The following TMTC2 variants were observed in gnomAD, a reference collection of about 807,000 sequenced individuals.
The protein encoded by TMTC2 is transmembrane O-mannosyltransferase targeting cadherins 2.
TMTC2 carries 43 observed loss-of-function variants against 82.4 expected under a neutral mutation model. The ratio of observed to expected loss-of-function variants is 0.52; its 90% CI spans 0.41 to 0.67. The LOEUF is 0.67. TMTC2 is among the 30% of genes least tolerant of loss of function. The pLI is 0.00. For synonymous variants in TMTC2, 408 were observed against 381.9 expected (o/e 1.07, Z -0.80); for missense variants, 919 against 1,012.4 (o/e 0.91, Z 1.25).
intron 1 of TMTC2, among the ~76,000 whole-genome samples, chr12:82,814,495 ATGT>A (rs919381239): frequency 6.6e-6 from 1 of 152,300 alleles, no homozygotes; most frequent in Admixed American, 6.5e-5. Flanking sequence ...AAATGAATGT[ATGT>A]TGTTAGTTTT....
chr12:82,871,344 GTAT>G (rs1872165064), intron 2 of TMTC2, among the ~76,000 whole-genome samples: 1 of 149,754 alleles, frequency 6.7e-6, no homozygotes, highest in African/African-American at 2.5e-5. Flanking sequence ...GATCCAAGTA[GTAT>G]TACAAAAGAA....
intron 1 of TMTC2, among the ~76,000 whole-genome samples, chr12:82,764,082 C>T (rs1876803791): frequency 6.6e-6 from 1 of 152,130 alleles, no homozygotes; most frequent in Non-Finnish European, 1.5e-5. Context: ...TAATTCTTTA[C>T]ATCAATATGG....
intron 2 of TMTC2, among the ~76,000 whole-genome samples, chr12:82,872,740 G>C (rs1872266699): frequency 6.6e-6 from 1 of 152,130 alleles, no homozygotes; most frequent in African/African-American, 2.4e-5. Flanking sequence ...TGTGTGGGTT[G>C]TAAAGATCAT....
chr12:82,872,269 T>G (rs1872239047), intron 2 of TMTC2, among the ~76,000 whole-genome samples: 1 of 152,266 alleles, frequency 6.6e-6, no homozygotes, highest in East Asian at 1.9e-4. Flanking sequence ...TGCAGGGGCA[T>G]ATCATTTCAA....
chr12:82,700,348 G>A (rs1873017741), intron 1 of TMTC2, among the ~76,000 whole-genome samples: 1 of 152,140 alleles, frequency 6.6e-6, no homozygotes, highest in Non-Finnish European at 1.5e-5. Flanking sequence ...TAATGGTATT[G>A]TTGAATAGTT....
chr12:83,115,238 A>G (rs1884715803), intron 11 of TMTC2, among the ~76,000 whole-genome samples: 1 of 152,160 alleles, frequency 6.6e-6, no homozygotes, highest in African/African-American at 2.4e-5. Context: ...CCTTCATGCT[A>G]AAAACAAACA....
At chr12:82,694,524 C>T (rs144566763) in intron 1 of TMTC2, among the ~76,000 whole-genome samples, 2,097 of 152,226 alleles carry the variant, frequency 0.014, 18 homozygotes, top group Non-Finnish European at 0.02. Context: ...GCTTTTGTTT[C>T]TTAATTTCTT....
At chr12:82,944,362 A>G (rs1241540781) in intron 4 of TMTC2, among the ~76,000 whole-genome samples, 3 of 152,076 alleles carry the variant, frequency 2.0e-5, no homozygotes, top group Non-Finnish European at 2.9e-5. Context: ...AGGTGGGCGG[A>G]CCACGAGGTC....
At chr12:82,754,551 A>G (rs985260899) in intron 1 of TMTC2, among the ~76,000 whole-genome samples, 3 of 152,042 alleles carry the variant, frequency 2.0e-5, no homozygotes, top group Non-Finnish European at 2.9e-5. Context: ...CCTGCCCAAC[A>G]TGGTGAAACC....
chr12:82,882,161 A>G (rs1703091), intron 2 of TMTC2, among the ~76,000 whole-genome samples: 24,410 of 148,278 alleles, frequency 0.16, 4,549 homozygotes, highest in African/African-American at 0.47. Flanking sequence ...CACTACGCCC[A>G]GCTAATTTTT....
intron 2 of TMTC2, among the ~76,000 whole-genome samples, chr12:82,890,939 C>T (rs565922891): frequency 6.6e-6 from 1 of 152,136 alleles, no homozygotes; most frequent in Non-Finnish European, 1.5e-5. Flanking sequence ...TTAAATATCC[C>T]ACACTTTGAA....
At chr12:82,697,832 A>G (rs1180468992) in intron 1 of TMTC2, among the ~76,000 whole-genome samples, 1 of 152,184 alleles carries the variant, frequency 6.6e-6, no homozygotes, top group East Asian at 1.9e-4. Context: ...TCTAGAGTCA[A>G]GTGTCTTTAT....
intron 1 of TMTC2, among the ~76,000 whole-genome samples, chr12:82,821,438 TAC>T (rs1869104088): frequency 1.3e-5 from 2 of 152,208 alleles, no homozygotes; most frequent in African/African-American, 4.8e-5. Flanking sequence ...GTCTTTAAAA[TAC>T]AGTCTTCTAT....
intron 1 of TMTC2, among the ~76,000 whole-genome samples, chr12:82,807,003 C>T (rs570608898): frequency 1.2e-4 from 18 of 152,168 alleles, no homozygotes; most frequent in African/African-American, 4.3e-4. Context: ...CTGTTGAGTT[C>T]AAAACGAGCT....
chr12:82,902,790 T>C (rs530472227), intron 3 of TMTC2, among the ~76,000 whole-genome samples: 64 of 152,284 alleles, frequency 4.2e-4, no homozygotes, highest in African/African-American at 1.5e-3. Context: ...ATAGGTTCAG[T>C]TGTGCTCCAG....
intron 1 of TMTC2, among the ~76,000 whole-genome samples, chr12:82,815,644 AT>A (rs548103464): frequency 6.6e-6 from 1 of 151,852 alleles, no homozygotes; most frequent in African/African-American, 2.4e-5. Flanking sequence ...ATAAATACAG[AT>A]TTTTTTATTT....
At chr12:82,718,845 T>G (rs1436400116) in intron 1 of TMTC2, among the ~76,000 whole-genome samples, 1 of 151,858 alleles carries the variant, frequency 6.6e-6, no homozygotes, top group Non-Finnish European at 1.5e-5. Context: ...TTTATTAAGA[T>G]TCATATAGAA....
At chr12:82,778,156 T>C (rs940340467) in intron 1 of TMTC2, among the ~76,000 whole-genome samples, 1 of 152,160 alleles carries the variant, frequency 6.6e-6, no homozygotes, top group African/African-American at 2.4e-5. Context: ...AATTATTTTA[T>C]GTACAATAGT....
At chr12:82,764,975 G>GGGT (rs1565740348) in intron 1 of TMTC2, among the ~76,000 whole-genome samples, 2 of 103,820 alleles carry the variant, frequency 1.9e-5, no homozygotes, top group South Asian at 2.7e-4. Flanking sequence ...TCTGGTGGGC[G>GGGT]GGGGGGTGAC....
Sources: allele counts gnomAD v4.1 joint callset (sites outside exome capture counted in the v4.1 genomes callset), GRCh38; gene constraint gnomAD v4.1.1; transcripts MANE v1.5; gene names NCBI Gene and HGNC (gene_info 2026-07-23, HGNC 2026-07-21).